The following ULK4 variants were observed in gnomAD, a reference collection of about 807,000 sequenced individuals.
The protein encoded by ULK4 is unc-51 like kinase 4.
A neutral mutation model predicts 160.6 loss-of-function variants in ULK4; 133 were observed. That is an observed-to-expected ratio of 0.83 (90% CI 0.72 to 0.96). ULK4 has a LOEUF of 0.96. Ranked by LOEUF, ULK4 falls within the 40% of genes least tolerant of loss-of-function variation. The probability of loss-of-function intolerance (pLI) is 0.00; values close to 1 mark genes in which losing one functional copy is unlikely to be tolerated. For missense variants in ULK4, 1,580 were observed against 1,499.5 expected, an observed-to-expected ratio of 1.05 and a Z score of -0.89; for synonymous variants, 534 against 539.8, an observed-to-expected ratio of 0.99 and a Z score of 0.15.
At chr3:41,686,538 C>T (rs575938574) in intron 27 of ULK4, among the ~76,000 whole-genome samples, 3 of 152,066 alleles carry the variant, frequency 2.0e-5, no homozygotes, top group South Asian at 4.1e-4. Flanking sequence ...AATTTGAAAA[C>T]GTACAGATGA....
intron 2 of ULK4, among the ~76,000 whole-genome samples, chr3:41,953,581 T>G (rs1448667932): frequency 6.6e-6 from 1 of 151,798 alleles, no homozygotes. Flanking sequence ...AAAATATATA[T>G]ATTTTTTAAG....
At chr3:41,918,893 A>G (rs899297081) in intron 6 of ULK4, among the ~76,000 whole-genome samples, 4 of 152,026 alleles carry the variant, frequency 2.6e-5, no homozygotes, top group African/African-American at 7.2e-5. Flanking sequence ...GAGCCACCAC[A>G]CCTGGCCTTG....
chr3:41,301,137 C>G (rs1350426349), intron 35 of ULK4, among the ~76,000 whole-genome samples: 1 of 151,684 alleles, frequency 6.6e-6, no homozygotes, highest in African/African-American at 2.4e-5. Flanking sequence ...TCATTTATTG[C>G]CTGGGGATCA....
rs1218961608 is a variant in ULK4, at chr3:41,874,667, A to G, written c.1656+9207T>C. Among the ~76,000 whole-genome samples, 4 of 152,182 alleles carry G rather than the reference A, an allele frequency of 2.6e-5. No homozygotes were observed. In the East Asian group the frequency reaches 5.8e-4, roughly 22 times the overall value. The stretch of plus-strand genomic sequence containing the variant: ...GCGGGAGCTAAGCTATGAGTATGCA[A>G]AGGTATACAGAATGGTATAATGGAC... On this transcript the variant is annotated intron_variant, in intron 17 of 36. Transcript: ENST00000301831.
At chr3:41,568,506 A>T (rs993862868) in intron 31 of ULK4, among the ~76,000 whole-genome samples, 11 of 152,208 alleles carry the variant, frequency 7.2e-5, no homozygotes, top group Non-Finnish European at 1.5e-4. Flanking sequence ...ATCTCATGCT[A>T]ACCTTGTCTA....
rs1414392452 is a variant in ULK4, at chr3:41,898,436, A to G, written c.1344T>C (p.Tyr448=). ...FDAKILHLPT[Y]SVDKLLFLKD... is the part of the protein sequence containing the mutation. ...ATAAGTCCTTTATGATCCTACCTGAATATGTTGGTAGATGCAATATTTTTG... is the reference window on the plus strand; with the variant it reads ...ATAAGTCCTTTATGATCCTACCTGAGTATGTTGGTAGATGCAATATTTTTG... The change falls in exon 14 of 37, where the codon TAT becomes TAC. Residue 448 remains tyrosine, a synonymous_variant. Transcript: ENST00000301831. 6 of 1,588,470 alleles carry G rather than the reference A, an allele frequency of 3.8e-6. No individual in the cohort carries two copies. The highest frequency in any genetic ancestry group is 2.2e-5 in the East Asian group (1 of 44,604).
intron 35 of ULK4, among the ~76,000 whole-genome samples, chr3:41,319,297 C>T (rs2080204997): frequency 6.6e-6 from 1 of 152,132 alleles, no homozygotes; most frequent in East Asian, 1.9e-4. Flanking sequence ...CTTCAATTTA[C>T]ACACAAGATG....
chr3:41,308,117 C>A (rs2079983673), intron 35 of ULK4, among the ~76,000 whole-genome samples: 1 of 152,102 alleles, frequency 6.6e-6, no homozygotes, highest in Non-Finnish European at 1.5e-5. Flanking sequence ...AGCACTGAGT[C>A]CAAGCTAAAT....
intron 33 of ULK4, among the ~76,000 whole-genome samples, 156 bp from the exon 34 acceptor site, chr3:41,455,751 C>T (rs115320088): frequency 0.019 from 2,852 of 152,260 alleles, 33 homozygotes; most frequent in Middle Eastern, 0.048. Flanking sequence ...AGAAGAGATA[C>T]TATGCTTTGT....
At chr3:41,758,202 G>T (rs1213549500) in intron 21 of ULK4, among the ~76,000 whole-genome samples, 1 of 152,020 alleles carries the variant, frequency 6.6e-6, no homozygotes, top group Non-Finnish European at 1.5e-5. Flanking sequence ...CTCGATTTTG[G>T]ACTTCCCAGC....
intron 35 of ULK4, among the ~76,000 whole-genome samples, chr3:41,259,691 GT>G (rs1317052503): frequency 6.6e-6 from 1 of 152,198 alleles, no homozygotes; most frequent in Non-Finnish European, 1.5e-5. Context: ...ATTTGTAAAT[GT>G]TTTTTGGTGT....
chr3:41,774,573 A>C (rs2039531236), intron 21 of ULK4, among the ~76,000 whole-genome samples: 1 of 148,934 alleles, frequency 6.7e-6, no homozygotes, highest in African/African-American at 2.6e-5. Context: ...TCAGGAAACA[A>C]CAGGTGCTGG....
intron 30 of ULK4, among the ~76,000 whole-genome samples, chr3:41,618,261 G>A (rs1219748447): frequency 6.6e-6 from 1 of 152,004 alleles, no homozygotes; most frequent in Non-Finnish European, 1.5e-5. Flanking sequence ...TCAAATTCAG[G>A]AACTACAGAG....
intron 32 of ULK4, among the ~76,000 whole-genome samples, chr3:41,548,364 G>A (rs865949592): frequency 5.9e-5 from 9 of 151,908 alleles, no homozygotes; most frequent in Middle Eastern, 3.2e-3. Context: ...TTCTGCTTGG[G>A]GGCCTGGTGA....
chr3:41,565,150 C>T (rs2087741482), intron 32 of ULK4, among the ~76,000 whole-genome samples: 1 of 152,184 alleles, frequency 6.6e-6, no homozygotes, highest in Non-Finnish European at 1.5e-5. Context: ...TGTGTAAGTA[C>T]AAGCTGTGGT....
chr3:41,739,941 A>G (rs1036680561), intron 22 of ULK4, among the ~76,000 whole-genome samples: 1 of 151,936 alleles, frequency 6.6e-6, no homozygotes, highest in African/African-American at 2.4e-5. Context: ...ACTATTATAT[A>G]TGATGCAAAA....
At position 41,374,852 on chromosome 3, in the gene ULK4, C is replaced by T. The variant is rs183957078; in HGVS notation, c.3678+23227G>A. ...GGAAGAGAGGAAGTCAAATTATCTC[C>T]GTTTGCACATGACATGACTGTATAT... On this transcript the variant is annotated intron_variant, in intron 35 of 36. Coordinates refer to ENST00000301831, the MANE Select transcript of ULK4 (RefSeq NM_017886.4). Among the ~76,000 whole-genome samples, 398 of 152,188 alleles carry T rather than the reference C, an allele frequency of 2.6e-3. 3 individuals carry two copies. The highest frequency in any genetic ancestry group is 9.1e-3 in the African/African-American group (378 of 41,564).
At chr3:41,557,603 CAA>C (rs202007149) in intron 32 of ULK4, among the ~76,000 whole-genome samples, 6 of 143,154 alleles carry the variant, frequency 4.2e-5, no homozygotes, top group Admixed American at 7.0e-5. Flanking sequence ...CTGTCTCCAC[CAA>C]AAAAAAAAAA....
At chr3:41,380,780 T>C (rs539499933) in intron 35 of ULK4, among the ~76,000 whole-genome samples, 4 of 152,126 alleles carry the variant, frequency 2.6e-5, no homozygotes, top group Non-Finnish European at 5.9e-5. Context: ...TCTTTACCCC[T>C]CCTCTTGAAT....
Sources: gnomAD v4.1 joint callset for allele counts (sites outside exome capture counted in the v4.1 genomes callset) on GRCh38, gnomAD v4.1.1 for gene constraint, MANE v1.5 for transcripts, NCBI Gene and HGNC (gene_info 2026-07-23, HGNC 2026-07-21) for gene names.